SDK1: variants seen among roughly 807,000 people sequenced by gnomAD.
SDK1 encodes protein sidekick-1.
In SDK1, 157 loss-of-function variants were observed where a neutral mutation model predicts 245.5. That is an observed-to-expected ratio of 0.64 (90% CI 0.56 to 0.73). SDK1 has a LOEUF of 0.73. Among genes scored for constraint, SDK1 ranks in the 30% least tolerant of loss-of-function variants. The probability of loss-of-function intolerance (pLI) is 0.00; values close to 1 mark genes in which losing one functional copy is unlikely to be tolerated. For missense variants in SDK1, 3,583 were observed against 3,002.3 expected (o/e 1.19, Z -4.52); for synonymous variants, 1,647 against 1,278.5 (o/e 1.29, Z -6.15).
At chr7:3,433,412 TG>T (rs996038906) in intron 1 of SDK1, among the ~76,000 whole-genome samples, 1 of 152,202 alleles carries the variant, frequency 6.6e-6, no homozygotes, top group African/African-American at 2.4e-5. Flanking sequence ...TGGATGAAGT[TG>T]TTTTTATTTC....
At chr7:4,167,165 G>A (rs1046623171) in intron 32 of SDK1, among the ~76,000 whole-genome samples, 20 of 152,154 alleles carry the variant, frequency 1.3e-4, no homozygotes, top group African/African-American at 4.8e-4. Flanking sequence ...AGGCTGAGGC[G>A]GGCAGATCAC....
intron 1 of SDK1, among the ~76,000 whole-genome samples, chr7:3,465,695 T>G (rs1319540834): frequency 2.0e-5 from 3 of 152,162 alleles, no homozygotes; most frequent in Admixed American, 6.5e-5. Flanking sequence ...CACCTCCGTA[T>G]ATGATCATTC....
chr7:3,322,494 G>A (rs1779842301), intron 1 of SDK1, among the ~76,000 whole-genome samples: 1 of 152,064 alleles, frequency 6.6e-6, no homozygotes, highest in South Asian at 2.1e-4. Flanking sequence ...TATATGCCTA[G>A]AAGTTGCATT....
intron 1 of SDK1, among the ~76,000 whole-genome samples, chr7:3,616,303 G>A (rs1384971225): frequency 6.6e-6 from 1 of 152,190 alleles, no homozygotes; most frequent in Non-Finnish European, 1.5e-5. Context: ...ACACTTGAAT[G>A]TGAGGTGGGC....
chr7:3,569,513 C>T (rs745955305), intron 1 of SDK1, among the ~76,000 whole-genome samples: 3 of 152,234 alleles, frequency 2.0e-5, no homozygotes. Flanking sequence ...CTTCACGGCC[C>T]CTCAGGCCTG....
intron 17 of SDK1, among the ~76,000 whole-genome samples, chr7:4,035,686 G>C (rs996784596): frequency 2.0e-5 from 3 of 152,176 alleles, no homozygotes; most frequent in African/African-American, 7.2e-5. Flanking sequence ...GTGGCACTGA[G>C]CTTCCTAGTA....
chr7:4,262,444 G>C (rs75577062), intron 44 of SDK1, among the ~76,000 whole-genome samples: 28,388 of 151,344 alleles, frequency 0.19, 2,763 homozygotes, highest in Middle Eastern at 0.27. Context: ...AATGGAAGCT[G>C]CTGATTTATT....
chr7:3,745,067 A>G (rs148722347), intron 4 of SDK1, among the ~76,000 whole-genome samples: 126 of 152,226 alleles, frequency 8.3e-4, no homozygotes, highest in Non-Finnish European at 1.6e-3. Flanking sequence ...CTCAAATGAA[A>G]AACTCACAAA....
chr7:3,816,048 G>A (rs1430421943), intron 4 of SDK1, among the ~76,000 whole-genome samples: 3 of 141,600 alleles, frequency 2.1e-5, no homozygotes, highest in Admixed American at 7.1e-5. Context: ...TGAAACCAAC[G>A]AGAACAAAGA....
At chr7:4,061,949 A>G (rs935717758) in intron 19 of SDK1, among the ~76,000 whole-genome samples, 2 of 127,862 alleles carry the variant, frequency 1.6e-5, no homozygotes, top group Admixed American at 1.0e-4. Flanking sequence ...ACATGGACAC[A>G]GGAAGGGGAA....
chr7:4,266,427 G>C lies in SDK1; in HGVS notation c.*1043G>C, dbSNP rs560322167. 2 of 985,244 alleles carry C rather than the reference G, an allele frequency of 2.0e-6. No individual in the cohort carries two copies. The highest frequency in any genetic ancestry group is 3.5e-5 in the African/African-American group (2 of 57,278). The allele number at this position is 985,244 out of a possible 1,614,324, so 61.0% of individuals were successfully genotyped here. On this transcript the variant is annotated 3_prime_UTR_variant, in exon 45 of 45. Transcript: ENST00000404826. ...AGAACACACGCTCCCGACTCGCCTCGTGCACACCAGGCCGTCCCCTCCCTC... is the reference window on the plus strand; with the variant it reads ...AGAACACACGCTCCCGACTCGCCTCCTGCACACCAGGCCGTCCCCTCCCTC...
chr7:4,184,196 G>C (rs182798851), intron 35 of SDK1, among the ~76,000 whole-genome samples: 15 of 152,342 alleles, frequency 9.8e-5, no homozygotes, highest in Non-Finnish European at 4.4e-5. Flanking sequence ...CCCTCGGCTG[G>C]AAGCTTCAGA....
intron 38 of SDK1, among the ~76,000 whole-genome samples, chr7:4,216,554 G>T (rs1784809298): frequency 6.6e-6 from 1 of 152,248 alleles, no homozygotes; most frequent in African/African-American, 2.4e-5. Context: ...TGCTCATGGA[G>T]TCTGTGCGTG....
At chr7:4,228,120 C>A (rs1011871896) in intron 40 of SDK1, among the ~76,000 whole-genome samples, 10 of 152,328 alleles carry the variant, frequency 6.6e-5, no homozygotes, top group Middle Eastern at 3.4e-3. Context: ...CTGGCTCTTG[C>A]TTTTTCCCAC....
In SDK1 at chr7:4,266,450, C is replaced by G. The variant is rs1788477263; in HGVS notation, c.*1066C>G. 13 of 985,294 alleles carry G rather than the reference C, an allele frequency of 1.3e-5. No homozygotes were observed. Among genetic ancestry groups the G allele is most frequent in the Non-Finnish European group, 1.6e-5 (13 of 829,920 alleles). The allele number at this position is 985,294 out of a possible 1,614,324, so 61.0% of individuals were successfully genotyped here. On this transcript the variant is annotated 3_prime_UTR_variant, in exon 45 of 45. Coordinates refer to ENST00000404826, the MANE Select transcript of SDK1 (RefSeq NM_152744.4). The stretch of plus-strand genomic sequence containing the variant: ...TCGTGCACACCAGGCCGTCCCCTCC[C>G]TCTGTCCTGGCTTCTGCTGGCTGCT...
rs577215131 is a variant in SDK1, at chr7:4,241,883, A to G, written c.6221A>G (p.Lys2074Arg). 1.2e-6 allele frequency: 2 copies of G among 1,614,000 alleles called. No homozygotes were observed. Among genetic ancestry groups the G allele is most frequent in the African/African-American group, 1.3e-5 (1 of 75,064 alleles). Residue 2074 changes from lysine (K) to arginine (R), a missense_variant, in exon 43 of 45, where the codon AAG (lysine) becomes AGG (arginine). By Grantham distance (26) the Lys-to-Arg change is conservative. Transcript: ENST00000404826. ...LELSSRHLNVKSTFSKKNGTR... is the reference protein window; with the variant it reads ...LELSSRHLNVRSTFSKKNGTR... ...CTCAGCAGCCGCCACCTCAATGTCA[A>G]GAGCACCTTCTCCAAGAAGAACGGG... is the stretch of plus-strand genomic sequence containing the variant.
intron 1 of SDK1, among the ~76,000 whole-genome samples, chr7:3,394,506 T>C (rs890824689): frequency 2.6e-5 from 4 of 152,134 alleles, no homozygotes; most frequent in African/African-American, 9.7e-5. Context: ...ATTCTAAATG[T>C]TTTGCATTTT....
intron 1 of SDK1, among the ~76,000 whole-genome samples, chr7:3,403,840 T>TA (rs1420932656): frequency 1.6e-5 from 1 of 64,406 alleles, no homozygotes; most frequent in Non-Finnish European, 2.5e-5. Flanking sequence ...TATATATATA[T>TA]ATATATATAT....
intron 1 of SDK1, among the ~76,000 whole-genome samples, chr7:3,575,285 T>C (rs923498519): frequency 7.9e-5 from 12 of 152,016 alleles, no homozygotes; most frequent in Admixed American, 2.0e-4. Flanking sequence ...ACAGCACGCA[T>C]GAATTCTCTG....
Sources: allele counts gnomAD v4.1 joint callset (sites outside exome capture counted in the v4.1 genomes callset), GRCh38; gene constraint gnomAD v4.1.1; transcripts MANE v1.5; gene names NCBI Gene and HGNC (gene_info 2026-07-23, HGNC 2026-07-21).